The following SDCCAG8 variants were observed in gnomAD, a reference collection of about 807,000 sequenced individuals.
SDCCAG8 encodes the protein serologically defined colon cancer antigen 8.
In SDCCAG8, 74 loss-of-function variants were observed where a neutral mutation model predicts 101.8. The observed-to-expected ratio is 0.73, with a 90% CI of 0.60 to 0.88. SDCCAG8 has a LOEUF of 0.88. SDCCAG8 is among the 40% of genes least tolerant of loss of function. SDCCAG8 has a pLI of 0.00. For synonymous variants in SDCCAG8, 281 were observed against 292.9 expected, an observed-to-expected ratio of 0.96 and a Z score of 0.41; for missense variants, 787 against 822.6, an observed-to-expected ratio of 0.96 and a Z score of 0.53.
chr1:243,460,373 C>T (rs993199384), intron 16 of SDCCAG8, among the ~76,000 whole-genome samples: 5 of 152,070 alleles, frequency 3.3e-5, no homozygotes, highest in African/African-American at 1.2e-4. Context: ...GCATGTTGGT[C>T]AGCCTTCCCT....
At chr1:243,462,538 T>C (rs1261195366) in intron 16 of SDCCAG8, among the ~76,000 whole-genome samples, 1 of 152,258 alleles carries the variant, frequency 6.6e-6, no homozygotes, top group Non-Finnish European at 1.5e-5. Context: ...ATCTTGGCTG[T>C]CTTGTTCTCC....
chr1:243,487,922 G>C (rs1214526973), intron 16 of SDCCAG8: 2 of 152,632 alleles, frequency 1.3e-5, no homozygotes, highest in African/African-American at 4.8e-5. Context: ...CGGGCCCCTG[G>C]ACCAAAGACT....
In SDCCAG8 at chr1:243,270,989, A is replaced by G. The variant is rs765793486; in HGVS notation, c.232A>G (p.Lys78Glu). 13 of 1,613,170 alleles carry G rather than the reference A, an allele frequency of 8.1e-6. No individual in the cohort carries two copies. The South Asian group carries it at 1.3e-4, about 16-fold the overall frequency. Reference protein sequence around the residue: ...LQQSHAVNQLKDLLRQQADKE... With the variant: ...LQQSHAVNQLEDLLRQQADKE... ...CTTTTGCTCTATAGTTAATCAGCTC[A>G]AAGATTTGTTGCGCCAACAAGCAGA... Residue 78 changes from lysine (K) to glutamate (E), a missense_variant, in exon 3 of 18, where the codon AAA becomes GAA. Physicochemically the swap from Lys to Glu is moderately conservative, Grantham distance 56 (BLOSUM62 1). Coordinates refer to ENST00000366541, the MANE Select transcript of SDCCAG8 (RefSeq NM_006642.5).
At chr1:243,480,699 G>T in intron 16 of SDCCAG8, among the ~76,000 whole-genome samples, 1 of 61,436 alleles carries the variant, frequency 1.6e-5, no homozygotes, top group Non-Finnish European at 3.0e-5. Context: ...TGGATGGGTG[G>T]GATGGATGGA....
intron 10 of SDCCAG8, 28 bp from the exon 11 acceptor site, chr1:243,341,011 T>C: frequency 6.2e-7 from 1 of 1,607,512 alleles, no homozygotes; most frequent in East Asian, 2.2e-5. Context: ...ATGACATTAT[T>C]GTTTAGGACT....
intron 7 of SDCCAG8, chr1:243,307,752 A>G: frequency 1.4e-6 from 2 of 1,416,038 alleles, no homozygotes; most frequent in East Asian, 5.2e-5. Flanking sequence ...TTAAAATCTT[A>G]CAAGAACCTA....
intron 9 of SDCCAG8, among the ~76,000 whole-genome samples, chr1:243,322,565 T>A (rs983508464): frequency 6.6e-6 from 1 of 152,232 alleles, no homozygotes; most frequent in Non-Finnish European, 1.5e-5. Context: ...ACAAAATCTC[T>A]GGTGTTACGG....
chr1:243,347,515 G>A (rs1249305968), intron 12 of SDCCAG8, among the ~76,000 whole-genome samples: 3 of 152,126 alleles, frequency 2.0e-5, no homozygotes, highest in Non-Finnish European at 4.4e-5. Flanking sequence ...CTTTGTTGTT[G>A]TCTGTTAAAT....
At chr1:243,429,643 C>G (rs2081578342) in intron 16 of SDCCAG8, among the ~76,000 whole-genome samples, 1 of 151,650 alleles carries the variant, frequency 6.6e-6, no homozygotes, top group Non-Finnish European at 1.5e-5. Context: ...ATCCTCCCTC[C>G]TCAGCCTTCC....
chr1:243,491,733 A>C (rs955506931), intron 17 of SDCCAG8, among the ~76,000 whole-genome samples: 6 of 152,096 alleles, frequency 3.9e-5, no homozygotes, highest in African/African-American at 1.4e-4. Context: ...GGTATTTTGG[A>C]TGCGGTGCCG....
Position 243,294,515 on chromosome 1 carries a change from G to GAGAGAGAGAGAC in SDCCAG8, c.675+1307_675+1308insCAGAGAGAGAGA, listed in dbSNP as rs1234433440. On this transcript the variant is annotated intron_variant, in intron 6 of 17. Coordinates refer to ENST00000366541, the MANE Select transcript of SDCCAG8 (RefSeq NM_006642.5). The stretch of plus-strand genomic sequence containing the variant: ...AGAGAGAGAGAAAGAGCGAGAGAGA[G>GAGAGAGAGAGAC]AGAGAGAGAGAACAACCCACCTCTC... Among the ~76,000 whole-genome samples the GAGAGAGAGAGAC allele has an allele frequency of 4.8e-3, 727 of 150,462 alleles. 8 individuals are homozygous for GAGAGAGAGAGAC. Among genetic ancestry groups the GAGAGAGAGAGAC allele is most frequent in the African/African-American group, 0.017 (699 of 41,060 alleles).
At chr1:243,418,367 G>T (rs990301893) in intron 15 of SDCCAG8, among the ~76,000 whole-genome samples, 1 of 152,138 alleles carries the variant, frequency 6.6e-6, no homozygotes, top group African/African-American at 2.4e-5. Flanking sequence ...TAAACATGCA[G>T]ATAAATCAAG....
At chr1:243,494,932 T>C (rs1667411801) in intron 17 of SDCCAG8, among the ~76,000 whole-genome samples, 1 of 152,248 alleles carries the variant, frequency 6.6e-6, no homozygotes, top group Non-Finnish European at 1.5e-5. Context: ...GTTGTCTTTA[T>C]TTTTAACACT....
chr1:243,310,859 C>A (rs1222333979), intron 8 of SDCCAG8, among the ~76,000 whole-genome samples: 1 of 152,112 alleles, frequency 6.6e-6, no homozygotes, highest in East Asian at 1.9e-4. Flanking sequence ...TGTATTTATT[C>A]TATTAGTATT....
At chr1:243,376,238 A>G (rs2077588620) in intron 12 of SDCCAG8, among the ~76,000 whole-genome samples, 1 of 152,186 alleles carries the variant, frequency 6.6e-6, no homozygotes, top group Non-Finnish European at 1.5e-5. Context: ...AGATTTTACT[A>G]TGTGCTAGGC....
intron 11 of SDCCAG8, among the ~76,000 whole-genome samples, chr1:243,342,552 A>G (rs901322038): frequency 2.6e-5 from 4 of 152,192 alleles, no homozygotes. Flanking sequence ...ACCAGCTTGT[A>G]TTGGTGTTGG....
Position 243,286,400 on chromosome 1 carries a change from G to A in SDCCAG8, c.546+3G>A. ...AACAAACACTTCTGGATGCATCCGTGAGCATTATTTTAAATCATAAATTTT... is the reference window on the plus strand; with the variant it reads ...AACAAACACTTCTGGATGCATCCGTAAGCATTATTTTAAATCATAAATTTT... On this transcript the variant is annotated splice_donor_region_variant and intron_variant, in intron 5 of 17. Coordinates refer to ENST00000366541, the MANE Select transcript of SDCCAG8 (RefSeq NM_006642.5). The A allele has an allele frequency of 2.5e-6, 4 of 1,613,912 alleles. No homozygotes were observed. The highest frequency in any genetic ancestry group is 2.2e-5 in the South Asian group (2 of 91,078).
intron 16 of SDCCAG8, among the ~76,000 whole-genome samples, chr1:243,431,477 C>T (rs1341058188): frequency 2.0e-5 from 3 of 151,952 alleles, no homozygotes; most frequent in Non-Finnish European, 2.9e-5. Flanking sequence ...GTTGAGATGG[C>T]CTGGGTTTGG....
At chr1:243,356,926 A>G (rs1462879980) in intron 12 of SDCCAG8, among the ~76,000 whole-genome samples, 1 of 152,190 alleles carries the variant, frequency 6.6e-6, no homozygotes, top group Non-Finnish European at 1.5e-5. Context: ...CACACCCAGA[A>G]GGTCAAGGCT....
Sources: allele counts gnomAD v4.1 joint callset (sites outside exome capture counted in the v4.1 genomes callset), GRCh38; gene constraint gnomAD v4.1.1; transcripts MANE v1.5; gene names NCBI Gene and HGNC (gene_info 2026-07-23, HGNC 2026-07-21).